The following DCC variants were observed in gnomAD, a reference collection of about 807,000 sequenced individuals.
DCC encodes the protein netrin receptor DCC.
In DCC, 58 loss-of-function variants were observed where a neutral mutation model predicts 172.5. The observed-to-expected ratio is 0.34, with a 90% confidence interval of 0.27 to 0.42. The LOEUF is 0.42. Among genes scored for constraint, DCC ranks in the 10% least tolerant of loss-of-function variants. DCC has a pLI of 1.00. For synonymous variants in DCC, 709 were observed against 644.5 expected (o/e 1.10, Z -1.52); for missense variants, 1,740 against 1,791.0 (o/e 0.97, Z 0.51).
chr18:53,192,029 A>G (rs1003368712), intron 9 of DCC, among the ~76,000 whole-genome samples: 2 of 152,222 alleles, frequency 1.3e-5, no homozygotes, highest in Admixed American at 1.3e-4. Context: ...CATGTGGTTA[A>G]TAAACTTCTT....
chr18:53,189,805 G>A (rs905305749), intron 9 of DCC, among the ~76,000 whole-genome samples: 7 of 152,320 alleles, frequency 4.6e-5, no homozygotes, highest in Admixed American at 2.6e-4. Flanking sequence ...TTTTGCTGAA[G>A]GTGCCTGTGA....
Position 52,591,787 on chromosome 18 carries a change from CTT to C in DCC, c.92-160252_92-160251del, listed in dbSNP as rs370150482. On this transcript the variant is annotated intron_variant, in intron 1 of 28. Coordinates refer to ENST00000442544, the MANE Select transcript of DCC (RefSeq NM_005215.4). ...TTTGTTTTTCTTTCTTTATTTATTT[CTT>C]TTTTTTTTTTTTTTCGGTAGTAACG... Among the ~76,000 whole-genome samples, 823 of 125,100 alleles carry C rather than the reference CTT, an allele frequency of 6.6e-3. 15 individuals are homozygous for C. Among genetic ancestry groups the C allele is most frequent in the African/African-American group, 0.022 (772 of 34,396 alleles). The allele number at this position is 125,100 out of a possible 152,430, so 82.1% of individuals were successfully genotyped here. A position where few individuals can be genotyped will look rare whatever the true frequency, so the allele number is the denominator to read the frequency against.
intron 7 of DCC, among the ~76,000 whole-genome samples, chr18:53,102,879 T>G (rs17393029): frequency 2.6e-5 from 4 of 151,766 alleles, no homozygotes; most frequent in Non-Finnish European, 4.4e-5. Flanking sequence ...GTAGCCTTTC[T>G]GCAATACACC....
At position 52,604,068 on chromosome 18, in the gene DCC, A is replaced by G. The variant is rs190714638; in HGVS notation, c.92-147986A>G. Among the ~76,000 whole-genome samples the G allele has an allele frequency of 1.1e-4, 17 of 152,182 alleles. No individual in the cohort carries two copies. The East Asian group carries it at 3.3e-3, about 29-fold the overall frequency. On this transcript the variant is annotated intron_variant, in intron 1 of 28. Transcript: ENST00000442544. ...AGGTGGCATCTAAGATGATAAGTAG[A>G]AAAGTTCTTAATTAATTAGCTTGAC...
Position 53,254,612 on chromosome 18 carries a change from A to G in DCC, c.1911+39015A>G, listed in dbSNP as rs954619623. Among the ~76,000 whole-genome samples, 3 of 152,020 alleles carry G rather than the reference A, an allele frequency of 2.0e-5. No homozygotes were observed. The South Asian group carries it at 6.2e-4, about 31-fold the overall frequency. On this transcript the variant is annotated intron_variant, in intron 12 of 28. Transcript: ENST00000442544. ...GGGGTGTGACACTCTATAAAAATAT[A>G]CATGCCAAGCCCATCACACCCAGTT...
At chr18:52,912,087 G>C (rs2039978799) in intron 3 of DCC, among the ~76,000 whole-genome samples, 2 of 152,066 alleles carry the variant, frequency 1.3e-5, no homozygotes, top group Admixed American at 6.6e-5. Flanking sequence ...AACTTGAACT[G>C]TTATAGTAAG....
At chr18:53,433,196 T>C (rs1245097278) in intron 21 of DCC, among the ~76,000 whole-genome samples, 1 of 152,164 alleles carries the variant, frequency 6.6e-6, no homozygotes, top group Non-Finnish European at 1.5e-5. Flanking sequence ...CTTTGACCTA[T>C]ACGGCATCTG....
At chr18:53,044,357 A>T (rs7506328) in intron 5 of DCC, among the ~76,000 whole-genome samples, 49,702 of 151,750 alleles carry the variant, frequency 0.33, 9,043 homozygotes, top group Non-Finnish European at 0.42. Context: ...CTTGCATAGT[A>T]TGTATTTTTA....
intron 19 of DCC, among the ~76,000 whole-genome samples, chr18:53,407,522 A>G (rs1909731034): frequency 1.6e-5 from 1 of 64,032 alleles, no homozygotes; most frequent in Non-Finnish European, 3.1e-5. Context: ...AGTGATTTTT[A>G]TTCTGGATAT....
chr18:52,665,718 C>G (rs889915048), intron 1 of DCC, among the ~76,000 whole-genome samples: 2 of 152,188 alleles, frequency 1.3e-5, no homozygotes, highest in Non-Finnish European at 2.9e-5. Context: ...GTTTAATCAA[C>G]CACATATAAG....
At position 52,609,409 on chromosome 18, in the gene DCC, C is replaced by T. The variant is rs540488541; in HGVS notation, c.92-142645C>T. On this transcript the variant is annotated intron_variant, in intron 1 of 28. Coordinates refer to ENST00000442544, the MANE Select transcript of DCC (RefSeq NM_005215.4). ...TATTACAATATAGCAGCTAGTATGC[C>T]GGGTGGCTTAAGCAACATTCACTCC... Among the ~76,000 whole-genome samples the T allele has an allele frequency of 5.9e-5, 5 of 84,828 alleles. No individual in the cohort carries two copies. The East Asian group carries it at 7.7e-4, about 13-fold the overall frequency. The allele number at this position is 84,828 out of a possible 152,430, so 55.7% of individuals were successfully genotyped here.
chr18:53,042,262 T>C (rs896539951), intron 5 of DCC, among the ~76,000 whole-genome samples: 2 of 152,148 alleles, frequency 1.3e-5, no homozygotes, highest in East Asian at 3.9e-4. Context: ...ATTGAGATAA[T>C]CATGTGGTTT....
chr18:52,560,998 G>A (rs949849460), intron 1 of DCC, among the ~76,000 whole-genome samples: 1 of 152,002 alleles, frequency 6.6e-6, no homozygotes, highest in Non-Finnish European at 1.5e-5. Flanking sequence ...TTGGATATTT[G>A]GAAGCATATG....
At chr18:52,829,605 C>T (rs1465880360) in intron 2 of DCC, among the ~76,000 whole-genome samples, 1 of 152,174 alleles carries the variant, frequency 6.6e-6, no homozygotes, top group African/African-American at 2.4e-5. Context: ...GACCCCACTA[C>T]TCAGACCTCA....
chr18:52,505,820 A>G (rs1426415332), intron 1 of DCC, among the ~76,000 whole-genome samples: 1 of 152,236 alleles, frequency 6.6e-6, no homozygotes, highest in Non-Finnish European at 1.5e-5. Context: ...TCATGGGCAC[A>G]TCTGATTCTG....
At chr18:52,814,402 G>A (rs2038253887) in intron 2 of DCC, among the ~76,000 whole-genome samples, 1 of 152,176 alleles carries the variant, frequency 6.6e-6, no homozygotes, top group Non-Finnish European at 1.5e-5. Flanking sequence ...CTGAGCTTAG[G>A]TGCAGTCTCT....
At chr18:52,964,736 A>T (rs1436594065) in intron 5 of DCC, among the ~76,000 whole-genome samples, 1 of 152,194 alleles carries the variant, frequency 6.6e-6, no homozygotes, top group Admixed American at 6.5e-5. Context: ...CCACAAATGT[A>T]GTGGCTGAAA....
At chr18:52,593,071 G>T (rs552167921) in intron 1 of DCC, among the ~76,000 whole-genome samples, 2 of 152,096 alleles carry the variant, frequency 1.3e-5, no homozygotes, top group East Asian at 1.9e-4. Flanking sequence ...CAACAAACAG[G>T]CTTATTCAAT....
chr18:53,231,416 A>G (rs2056119492), intron 12 of DCC, among the ~76,000 whole-genome samples: 1 of 152,128 alleles, frequency 6.6e-6, no homozygotes, highest in Non-Finnish European at 1.5e-5. Context: ...GCTTATTATA[A>G]CTATCAACAT....
Sources: allele counts gnomAD v4.1 joint callset (sites outside exome capture counted in the v4.1 genomes callset), GRCh38; gene constraint gnomAD v4.1.1; transcripts MANE v1.5; gene names NCBI Gene and HGNC (gene_info 2026-07-23, HGNC 2026-07-21).